EPM2A: variants seen among roughly 807,000 people sequenced by gnomAD.
EPM2A encodes laforin.
EPM2A carries 21 observed loss-of-function variants against 26.5 expected under a neutral mutation model. The observed-to-expected ratio is 0.79, with a 90% CI of 0.56 to 1.14. EPM2A has a LOEUF of 1.14. Among genes scored for constraint, EPM2A ranks in the 50% most tolerant of loss-of-function variants. The probability of loss-of-function intolerance (pLI) is 0.00; values close to 1 mark genes in which losing one functional copy is unlikely to be tolerated. For missense variants in EPM2A, 458 were observed against 440.8 expected, an observed-to-expected ratio of 1.04 and a Z score of -0.35; for synonymous variants, 217 against 177.6, an observed-to-expected ratio of 1.22 and a Z score of -1.76.
intron 1 of EPM2A, among the ~76,000 whole-genome samples, chr6:145,725,131 A>T (rs768348253): frequency 4.7e-4 from 63 of 133,074 alleles, no homozygotes; most frequent in Admixed American, 1.2e-3. Context: ...TCATGAATTT[A>T]AAAATGAAAA....
chr6:145,658,148 A>G (rs1778428693), intron 2 of EPM2A, among the ~76,000 whole-genome samples: 1 of 152,252 alleles, frequency 6.6e-6, no homozygotes, highest in South Asian at 2.1e-4. Context: ...GAAATTAGTC[A>G]GGCCAACAAG....
intron 2 of EPM2A, among the ~76,000 whole-genome samples, chr6:145,664,757 T>G (rs1779029974): frequency 6.6e-6 from 1 of 151,868 alleles, no homozygotes; most frequent in African/African-American, 2.4e-5. Context: ...GACCACATAC[T>G]TGGAAGTAAA....
intron 2 of EPM2A, among the ~76,000 whole-genome samples, chr6:145,678,289 T>C (rs960588584): frequency 2.6e-5 from 4 of 152,106 alleles, no homozygotes; most frequent in Admixed American, 6.5e-5. Context: ...CCTAAAACCA[T>C]AAAAACCCTG....
chr6:145,410,164 G>A (rs966881301), intron 4 of EPM2A, among the ~76,000 whole-genome samples: 4 of 152,164 alleles, frequency 2.6e-5, no homozygotes, highest in African/African-American at 9.7e-5. Flanking sequence ...AGACGGTGTT[G>A]CAAGAGCTAA....
At chr6:145,509,506 T>C (rs1473915259) in intron 2 of EPM2A, among the ~76,000 whole-genome samples, 3 of 152,054 alleles carry the variant, frequency 2.0e-5, no homozygotes, top group Non-Finnish European at 2.9e-5. Context: ...ATAAACAAAG[T>C]ACAAATAAAG....
intron 2 of EPM2A, among the ~76,000 whole-genome samples, chr6:145,538,271 A>G (rs567258846): frequency 6.7e-6 from 1 of 150,358 alleles, no homozygotes; most frequent in East Asian, 2.0e-4. Flanking sequence ...TTTTTTTTTT[A>G]CATGCTTTGA....
At chr6:145,581,110 C>T (rs1277927452) in intron 2 of EPM2A, among the ~76,000 whole-genome samples, 2 of 152,194 alleles carry the variant, frequency 1.3e-5, no homozygotes, top group Non-Finnish European at 2.9e-5. Flanking sequence ...AACTAATTTA[C>T]ATTCCCACTT....
At chr6:145,467,365 G>C (rs1467566737) in intron 4 of EPM2A, among the ~76,000 whole-genome samples, 1 of 151,870 alleles carries the variant, frequency 6.6e-6, no homozygotes, top group Non-Finnish European at 1.5e-5. Context: ...TTCACCACAG[G>C]GTAACATATC....
At chr6:145,421,915 G>A (rs1195545834) in intron 4 of EPM2A, among the ~76,000 whole-genome samples, 2 of 150,532 alleles carry the variant, frequency 1.3e-5, no homozygotes, top group African/African-American at 4.8e-5. Flanking sequence ...ACTAAACTAT[G>A]ATTTTTAAAA....
chr6:145,449,948 C>A (rs1779174582), intron 4 of EPM2A, among the ~76,000 whole-genome samples: 1 of 151,444 alleles, frequency 6.6e-6, no homozygotes, highest in African/African-American at 2.4e-5. Flanking sequence ...GAACTCAATT[C>A]CATAGTAATA....
intron 2 of EPM2A, among the ~76,000 whole-genome samples, chr6:145,646,909 C>T (rs1454427413): frequency 6.6e-6 from 1 of 152,184 alleles, no homozygotes; most frequent in African/African-American, 2.4e-5. Flanking sequence ...GCCACCCAGT[C>T]ATGTAAGCCA....
At chr6:145,482,060 C>G (rs562001312) in intron 4 of EPM2A, among the ~76,000 whole-genome samples, 1 of 152,256 alleles carries the variant, frequency 6.6e-6, no homozygotes, top group South Asian at 2.1e-4. Context: ...GTTTCTTATT[C>G]TCTTTCTCTC....
chr6:145,457,519 A>G (rs1779277706), intron 4 of EPM2A, among the ~76,000 whole-genome samples: 1 of 151,854 alleles, frequency 6.6e-6, no homozygotes, highest in Non-Finnish European at 1.5e-5. Context: ...AAAATATATA[A>G]TTCTGCCTTT....
chr6:145,467,010 A>G (rs1042218166), intron 4 of EPM2A, among the ~76,000 whole-genome samples: 1 of 152,202 alleles, frequency 6.6e-6, no homozygotes, highest in Admixed American at 6.5e-5. Context: ...GTGGGAGTGG[A>G]GAGGGATAGC....
chr6:145,497,210 A>G (rs571539810), downstream of EPM2A, among the ~76,000 whole-genome samples: 179 of 152,312 alleles, frequency 1.2e-3, 1 homozygote, highest in African/African-American at 4.0e-3. Context: ...CTTATCTACC[A>G]TCAATCTTTG....
chr6:145,472,567 T>A (rs1779488814), intron 4 of EPM2A, among the ~76,000 whole-genome samples: 1 of 151,812 alleles, frequency 6.6e-6, no homozygotes, highest in Admixed American at 6.6e-5. Context: ...CCAAGCAGTA[T>A]TCATGACAAG....
chr6:145,521,491 C>G (rs1780201404), intron 2 of EPM2A, among the ~76,000 whole-genome samples: 2 of 152,152 alleles, frequency 1.3e-5, no homozygotes, highest in South Asian at 4.1e-4. Flanking sequence ...ATCATTTGAA[C>G]AGGTGCAGGC....
At chr6:145,556,794 C>G (rs2114809828) in intron 2 of EPM2A, among the ~76,000 whole-genome samples, 1 of 152,238 alleles carries the variant, frequency 6.6e-6, no homozygotes, top group African/African-American at 2.4e-5. Flanking sequence ...TATCACATAA[C>G]AGCTTATGTC....
intron 2 of EPM2A, among the ~76,000 whole-genome samples, chr6:145,575,120 A>C (rs1180760309): frequency 9.2e-5 from 14 of 152,254 alleles, no homozygotes; most frequent in Admixed American, 3.3e-4. Flanking sequence ...GGAGGCCACC[A>C]CTGTGTCCTC....
Sources: allele counts gnomAD v4.1 joint callset (sites outside exome capture counted in the v4.1 genomes callset), GRCh38; gene constraint gnomAD v4.1.1; transcripts MANE v1.5; gene names NCBI Gene and HGNC (gene_info 2026-07-23, HGNC 2026-07-21).